DTNA: variants seen among roughly 807,000 people sequenced by gnomAD.
The protein encoded by DTNA is dystrophin-related protein 3.
DTNA carries 43 observed loss-of-function variants against 100.7 expected under a neutral mutation model. The observed-to-expected ratio is 0.43, with a 90% confidence interval of 0.33 to 0.55. The LOEUF (loss-of-function observed/expected upper bound fraction) is 0.55. Among genes scored for constraint, DTNA ranks in the 20% least tolerant of loss-of-function variants. DTNA has a pLI of 0.04. For missense variants in DTNA, 798 were observed against 953.9 expected (o/e 0.84, Z 2.15); for synonymous variants, 349 against 347.9 (o/e 1.00, Z -0.04).
intron 1 of DTNA, among the ~76,000 whole-genome samples, chr18:34,754,159 T>C (rs1219110836): frequency 1.3e-5 from 2 of 152,148 alleles, no homozygotes; most frequent in African/African-American, 2.4e-5. Flanking sequence ...AATGGGCAAA[T>C]AGTGCTTCAC....
chr18:34,864,116 A>C (rs1016754179), intron 17 of DTNA, 54 bp downstream of exon 17: 1 of 1,524,626 alleles, frequency 6.6e-7, no homozygotes, highest in African/African-American at 1.4e-5. Flanking sequence ...CATCTGTGAA[A>C]ATTTTTGCAC....
At chr18:34,510,308 C>CT (rs1459736661) in intron 1 of DTNA, among the ~76,000 whole-genome samples, 2 of 151,866 alleles carry the variant, frequency 1.3e-5, no homozygotes, top group East Asian at 3.9e-4. Flanking sequence ...CTGTTTTTCT[C>CT]TGAGTTTTCA....
At chr18:34,724,600 G>A (rs144094677) in intron 1 of DTNA, among the ~76,000 whole-genome samples, 27 of 152,322 alleles carry the variant, frequency 1.8e-4, no homozygotes, top group African/African-American at 6.5e-4. Flanking sequence ...TGGCAAGAGA[G>A]GGGAGAGGTG....
intron 1 of DTNA, among the ~76,000 whole-genome samples, chr18:34,749,706 A>T (rs577864078): frequency 9.0e-4 from 137 of 151,650 alleles, no homozygotes; most frequent in Non-Finnish European, 1.4e-3. Context: ...CCAGGAGTAG[A>T]AGATGATATT....
intron 1 of DTNA, among the ~76,000 whole-genome samples, chr18:34,686,846 G>T (rs969150887): frequency 6.6e-6 from 1 of 152,004 alleles, no homozygotes; most frequent in Non-Finnish European, 1.5e-5. Flanking sequence ...TCTGTTCAGG[G>T]ATTCAACTTC....
At chr18:34,602,926 C>T (rs539260480) in intron 1 of DTNA, among the ~76,000 whole-genome samples, 6 of 151,554 alleles carry the variant, frequency 4.0e-5, no homozygotes, top group African/African-American at 1.5e-4. Flanking sequence ...TCGCCTGAAC[C>T]GGTGAGGCAG....
Position 34,886,868 on chromosome 18 carries a change from C to T in DTNA, c.*32-898C>T, listed in dbSNP as rs565375133. Among the ~76,000 whole-genome samples the T allele has an allele frequency of 2.8e-4, 43 of 152,306 alleles. No individual in the cohort carries two copies. In the South Asian group the frequency reaches 8.7e-3, roughly 31 times the overall value. ...TTTCATTTTTGCAGCTGGTTCTATC[C>T]TATTGTACTTTTTCTTAATGTAACC... On this transcript the variant is annotated intron_variant, in intron 22 of 22. Coordinates refer to ENST00000444659, the MANE Select transcript of DTNA (RefSeq NM_001386795.1).
intron 1 of DTNA, among the ~76,000 whole-genome samples, chr18:34,580,921 A>G (rs1201656443): frequency 6.6e-6 from 1 of 152,118 alleles, no homozygotes; most frequent in East Asian, 1.9e-4. Context: ...CAGTATTCTA[A>G]TCTGTGGTAC....
intron 1 of DTNA, among the ~76,000 whole-genome samples, chr18:34,569,902 CACA>C (rs1160274475): frequency 6.6e-6 from 1 of 152,034 alleles, no homozygotes; most frequent in Non-Finnish European, 1.5e-5. Flanking sequence ...CACACACACA[CACA>C]CACAAAATAA....
chr18:34,705,707 T>C (rs1266790619), upstream of DTNA, among the ~76,000 whole-genome samples: 1 of 152,174 alleles, frequency 6.6e-6, no homozygotes, highest in African/African-American at 2.4e-5. Context: ...CAGGAATCTA[T>C]TCTAAGGAAA....
At chr18:34,778,860 C>T (rs1256024070) in intron 3 of DTNA, among the ~76,000 whole-genome samples, 1 of 152,046 alleles carries the variant, frequency 6.6e-6, no homozygotes, top group Non-Finnish European at 1.5e-5. Flanking sequence ...CTCTGTAGCC[C>T]AGGCAGGAGT....
At chr18:34,673,881 T>C (rs893704110) in intron 1 of DTNA, among the ~76,000 whole-genome samples, 4 of 152,240 alleles carry the variant, frequency 2.6e-5, no homozygotes, top group Non-Finnish European at 5.9e-5. Context: ...TACTATCTTA[T>C]ACTTCTCAAA....
intron 1 of DTNA, among the ~76,000 whole-genome samples, chr18:34,679,949 A>G (rs1600090707): frequency 6.6e-6 from 1 of 152,344 alleles, no homozygotes; most frequent in Admixed American, 6.5e-5. Context: ...TGTAAAATAT[A>G]AAATGTATTT....
At chr18:34,530,791 A>G (rs1247556429) in intron 1 of DTNA, among the ~76,000 whole-genome samples, 3 of 152,146 alleles carry the variant, frequency 2.0e-5, no homozygotes, top group Non-Finnish European at 2.9e-5. Context: ...TATCTGATCC[A>G]GTTCCTACCA....
chr18:34,782,538 A>G (rs2148830778), intron 3 of DTNA, among the ~76,000 whole-genome samples: 1 of 152,318 alleles, frequency 6.6e-6, no homozygotes, highest in Middle Eastern at 3.4e-3. Flanking sequence ...AAGTAATCCT[A>G]CCTGAGGGTA....
At chr18:34,867,059 G>T (rs886053777) in intron 17 of DTNA, 22 of 1,228,828 alleles carry the variant, frequency 1.8e-5, no homozygotes, top group Non-Finnish European at 2.2e-5. Flanking sequence ...TCAAGTGCAT[G>T]TACCACGCTA....
At chr18:34,848,132 A>T (rs1221642587) in intron 13 of DTNA, among the ~76,000 whole-genome samples, 164 bp from the exon 14 acceptor site, 1 of 152,262 alleles carries the variant, frequency 6.6e-6, no homozygotes, top group Admixed American at 6.5e-5. Context: ...ATATTAGATC[A>T]TGTTACAAAT....
chr18:34,619,477 A>G (rs1416885659), intron 1 of DTNA, among the ~76,000 whole-genome samples: 2 of 152,220 alleles, frequency 1.3e-5, no homozygotes, highest in Non-Finnish European at 2.9e-5. Context: ...TTCTAAGGAA[A>G]TCACAGTGAT....
intron 1 of DTNA, among the ~76,000 whole-genome samples, chr18:34,606,311 G>A (rs547296779): frequency 6.6e-6 from 1 of 152,000 alleles, no homozygotes; most frequent in South Asian, 2.1e-4. Context: ...TCATATGATG[G>A]TATATATTTT....
Sources: allele counts gnomAD v4.1 joint callset (sites outside exome capture counted in the v4.1 genomes callset), GRCh38; gene constraint gnomAD v4.1.1; transcripts MANE v1.5; gene names NCBI Gene and HGNC (gene_info 2026-07-23, HGNC 2026-07-21).